ADTRP: variants seen among roughly 807,000 people sequenced by gnomAD.
The protein encoded by ADTRP is androgen dependent TFPI regulating protein, also known as androgen-dependent TFPI-regulating protein.
A neutral mutation model predicts 27.0 loss-of-function variants in ADTRP; 20 were observed. The observed-to-expected ratio is 0.74, with a 90% CI of 0.52 to 1.08. The LOEUF (loss-of-function observed/expected upper bound fraction) is 1.08. Ranked by LOEUF, ADTRP falls within the 50% of genes least tolerant of loss-of-function variation. ADTRP has a pLI of 0.00. For missense variants in ADTRP, 251 were observed against 275.0 expected, an observed-to-expected ratio of 0.91 and a Z score of 0.62; for synonymous variants, 101 against 105.2, an observed-to-expected ratio of 0.96 and a Z score of 0.25.
At chr6:11,749,952 G>A (rs974069995) in intron 3 of ADTRP, among the ~76,000 whole-genome samples, 3 of 152,252 alleles carry the variant, frequency 2.0e-5, no homozygotes, top group Non-Finnish European at 2.9e-5. Flanking sequence ...ATGAAGCTAT[G>A]ACTTGAGGTT....
chr6:11,723,429 A>G lies in ADTRP; in HGVS notation c.578T>C (p.Leu193Pro), dbSNP rs772866328. ...GTAGCTGAGAGAGAAGAAAGCTGCT[A>G]GACCCAAGAGGCTGAGTTTGGCAAA... ...PVFAKLSLLG[L>P]AAFFSLSYVF... Residue 193 changes from leucine (L) to proline (P), a missense_variant, in exon 5 of 6, where the codon CTA becomes CCA. Transcript: ENST00000414691. 1.2e-6 allele frequency: 2 copies of G among 1,614,184 alleles called. No homozygotes were observed. Among genetic ancestry groups the G allele is most frequent in the Non-Finnish European group, 1.7e-6 (2 of 1,180,020 alleles).
chr6:11,718,374 G>T (rs1347899066), intron 5 of ADTRP, among the ~76,000 whole-genome samples: 1 of 152,218 alleles, frequency 6.6e-6, no homozygotes, highest in African/African-American at 2.4e-5. Context: ...CATATCTCTT[G>T]TGGGATGATT....
rs772381632 is a variant in ADTRP, at chr6:11,714,530, G to C, written c.659-18C>G. 5.0e-6 allele frequency: 8 copies of C among 1,610,516 alleles called. No homozygotes were observed. In the East Asian group the frequency reaches 1.8e-4, roughly 36 times the overall value. ...CATGTCACCTGTACAAACAAGAACA[G>C]AGACAGACCTCAGGCTTCAGGCTTT... is the stretch of plus-strand genomic sequence containing the variant. On this transcript the variant is annotated intron_variant, in intron 5 of 5. Transcript: ENST00000414691.
At chr6:11,717,012 C>A in intron 5 of ADTRP, 1 of 226,478 alleles carries the variant, frequency 4.4e-6, no homozygotes, top group Non-Finnish European at 8.7e-6. Context: ...AGGTGTGAGC[C>A]ACCGCACCCA....
At chr6:11,764,967 T>C (rs1370869605) in intron 3 of ADTRP, among the ~76,000 whole-genome samples, 1 of 147,234 alleles carries the variant, frequency 6.8e-6, no homozygotes, top group Non-Finnish European at 1.5e-5. Context: ...CATGGGAAAC[T>C]GGGAAGGTGA....
At position 11,760,162 on chromosome 6, in the gene ADTRP, G is replaced by C. The variant is rs540008653; in HGVS notation, c.390+6112C>G. ...GCACACTACTCTGTTCTCTCACCTT[G>C]TTTATTTATTGTGTGTTTACTGCTT... On this transcript the variant is annotated intron_variant, in intron 3 of 5. Coordinates refer to ENST00000414691, the MANE Select transcript of ADTRP (RefSeq NM_032744.4). Among the ~76,000 whole-genome samples the C allele has an allele frequency of 4.4e-4, 67 of 152,264 alleles. 1 individual carries two copies. Among genetic ancestry groups the C allele is most frequent in the African/African-American group, 1.6e-3 (66 of 41,548 alleles).
Position 11,742,015 on chromosome 6 carries a change from TACA to T in ADTRP, c.391-6335_391-6333del, listed in dbSNP as rs1348902729. 2.0e-4 allele frequency among the ~76,000 whole-genome samples: 25 copies of T among 124,610 alleles called. No individual in the cohort carries two copies. In the South Asian group the frequency reaches 5.8e-3, roughly 29 times the overall value. 81.7% of individuals were successfully genotyped at this position (124,610 alleles called of 152,430 possible). On this transcript the variant is annotated intron_variant, in intron 3 of 5. Transcript: ENST00000414691. ...CTTAGCTTTTCCCTATTTTGGTACCTACAATCACTTAGCTTTTCCCTATTTTGG... is the reference window on the plus strand; with the variant it reads ...CTTAGCTTTTCCCTATTTTGGTACCTATCACTTAGCTTTTCCCTATTTTGG...
At chr6:11,775,911 T>TC (rs1251143941) in intron 1 of ADTRP, among the ~76,000 whole-genome samples, 1 of 152,104 alleles carries the variant, frequency 6.6e-6, no homozygotes, top group African/African-American at 2.4e-5. Context: ...GATACTAACT[T>TC]CCCCAAGGTG....
chr6:11,741,713 ATTTTT>A (rs71312624), intron 3 of ADTRP, among the ~76,000 whole-genome samples: 15,103 of 128,970 alleles, frequency 0.12, 959 homozygotes, highest in Non-Finnish European at 0.15. Context: ...TAAGGATAAG[ATTTTT>A]TTTAAAAAAA....
chr6:11,714,694 A>G (rs1317335465), intron 5 of ADTRP, among the ~76,000 whole-genome samples, 182 bp from the exon 6 acceptor site: 3 of 152,226 alleles, frequency 2.0e-5, no homozygotes, highest in Non-Finnish European at 4.4e-5. Flanking sequence ...AGGGGCAGAG[A>G]ACAACTCTGC....
intron 3 of ADTRP, among the ~76,000 whole-genome samples, chr6:11,748,108 T>C (rs1396479575): frequency 1.3e-5 from 2 of 152,228 alleles, no homozygotes; most frequent in Non-Finnish European, 2.9e-5. Flanking sequence ...ATTATGACTC[T>C]ATGCATCTCT....
chr6:11,766,631 C>T (rs906758003), intron 2 of ADTRP, among the ~76,000 whole-genome samples: 5 of 152,200 alleles, frequency 3.3e-5, no homozygotes, highest in African/African-American at 4.8e-5. Flanking sequence ...TATTTGTCAT[C>T]GTGGCAGGCA....
intron 5 of ADTRP, among the ~76,000 whole-genome samples, chr6:11,722,713 T>C (rs1330953741): frequency 2.6e-5 from 4 of 152,164 alleles, no homozygotes; most frequent in African/African-American, 7.2e-5. Flanking sequence ...AAGATGATTT[T>C]TTTTTCTTAG....
intron 3 of ADTRP, chr6:11,738,388 G>T (rs1307983876): frequency 6.6e-6 from 1 of 152,308 alleles, no homozygotes; most frequent in African/African-American, 2.4e-5. Context: ...GACCAACAGG[G>T]ATGCTCTCTT....
intron 1 of ADTRP, among the ~76,000 whole-genome samples, chr6:11,773,328 T>C (rs1316623525): frequency 6.6e-6 from 1 of 152,196 alleles, no homozygotes; most frequent in African/African-American, 2.4e-5. Flanking sequence ...TCTGAGATTC[T>C]GAGATGTGCC....
In ADTRP at chr6:11,723,354, T is replaced by C. The variant is rs1239673599; in HGVS notation, c.653A>G (p.Lys218Arg). The C allele has an allele frequency of 1.2e-6, 2 of 1,614,040 alleles. No homozygotes were observed. Among genetic ancestry groups the C allele is most frequent in the East Asian group, 4.5e-5 (2 of 44,866 alleles). Residue 218 changes from lysine (K) to arginine (R), a missense_variant, in exon 5 of 6, where the codon AAA becomes AGA. Coordinates refer to ENST00000414691, the MANE Select transcript of ADTRP (RefSeq NM_032744.4). ...YLLGEKLNHW[K>R]WGDMRQPRKK... ...TAAGAAAGAAATACACTGACCCCATTTCCAGTGGTTGAGCTTCTCTCCAAG... is the reference window on the plus strand; with the variant it reads ...TAAGAAAGAAATACACTGACCCCATCTCCAGTGGTTGAGCTTCTCTCCAAG...
chr6:11,753,453 C>T (rs1430776921), intron 3 of ADTRP, among the ~76,000 whole-genome samples: 2 of 152,136 alleles, frequency 1.3e-5, no homozygotes, highest in African/African-American at 4.8e-5. Flanking sequence ...GGACAGGCAA[C>T]TCAATCTTTC....
intron 4 of ADTRP, among the ~76,000 whole-genome samples, chr6:11,732,597 C>T (rs902710475): frequency 2.6e-5 from 4 of 152,160 alleles, no homozygotes; most frequent in Admixed American, 1.3e-4. Context: ...CATCAAACAC[C>T]CTCCTTTAAG....
At position 11,721,390 on chromosome 6, in the gene ADTRP, G is replaced by A. The variant is rs115016862; in HGVS notation, c.658+1959C>T. The stretch of plus-strand genomic sequence containing the variant: ...GTGGACTTTCTTCAGTCAATTGGGG[G>A]AAGCCTTAGAAAGTGTTTTCAGTAG... On this transcript the variant is annotated intron_variant, in intron 5 of 5. Coordinates refer to ENST00000414691, the MANE Select transcript of ADTRP (RefSeq NM_032744.4). Among the ~76,000 whole-genome samples the A allele has an allele frequency of 2.3e-3, 343 of 152,302 alleles. 3 individuals carry two copies. Among genetic ancestry groups the A allele is most frequent in the African/African-American group, 8.0e-3 (332 of 41,560 alleles).
Sources: gnomAD v4.1 joint callset for allele counts (sites outside exome capture counted in the v4.1 genomes callset) on GRCh38, gnomAD v4.1.1 for gene constraint, MANE v1.5 for transcripts, NCBI Gene and HGNC (gene_info 2026-07-23, HGNC 2026-07-21) for gene names.